The following CTNNA2 variants were observed in gnomAD, a reference collection of about 807,000 sequenced individuals.
The protein encoded by CTNNA2 is catenin alpha 2, also known as catenin alpha-2.
Under a neutral mutation model 101.0 loss-of-function variants are expected in CTNNA2, and 42 were observed. The observed-to-expected ratio is 0.42, with a 90% confidence interval of 0.32 to 0.54. CTNNA2 has a LOEUF of 0.54. CTNNA2 is among the 20% of genes least tolerant of loss of function. The probability of loss-of-function intolerance (pLI) is 0.14; values close to 1 mark genes in which losing one functional copy is unlikely to be tolerated. For missense variants in CTNNA2, 871 were observed against 1,223.1 expected, an observed-to-expected ratio of 0.71 and a Z score of 4.29; for synonymous variants, 450 against 456.4, an observed-to-expected ratio of 0.99 and a Z score of 0.18.
intron 3 of CTNNA2, among the ~76,000 whole-genome samples, chr2:79,797,625 C>T (rs1011195356): frequency 1.3e-4 from 19 of 145,282 alleles, no homozygotes; most frequent in South Asian, 4.4e-4. Context: ...CACACCACTG[C>T]ACTCCAGCCT....
chr2:80,430,226 C>T (rs952302041), intron 9 of CTNNA2, among the ~76,000 whole-genome samples: 3 of 152,062 alleles, frequency 2.0e-5, no homozygotes, highest in South Asian at 2.1e-4. Context: ...AAAGAAATAT[C>T]CAGAAAATAG....
intron 1 of CTNNA2, among the ~76,000 whole-genome samples, chr2:79,193,588 T>C (rs941243659): frequency 6.6e-6 from 1 of 152,160 alleles, no homozygotes; most frequent in Non-Finnish European, 1.5e-5. Context: ...GTATCCCCAA[T>C]ATTAAGTCAT....
chr2:80,573,238 A>G (rs571641075), intron 12 of CTNNA2: 5 of 152,208 alleles, frequency 3.3e-5, no homozygotes, highest in Non-Finnish European at 7.3e-5. Context: ...AATTTTTGAG[A>G]ATCAGTGAAT....
chr2:80,584,663 G>A (rs1695821986), intron 14 of CTNNA2, among the ~76,000 whole-genome samples: 1 of 152,074 alleles, frequency 6.6e-6, no homozygotes, highest in African/African-American at 2.4e-5. Context: ...TATGGACTTA[G>A]TGAAGCTGTG....
chr2:79,461,017 T>C (rs1670871854), intron 4 of CTNNA2, among the ~76,000 whole-genome samples: 1 of 152,096 alleles, frequency 6.6e-6, no homozygotes, highest in African/African-American at 2.4e-5. Context: ...AATTTTTGTA[T>C]TTTTAGTAGA....
chr2:80,575,133 C>A (rs1011389510), intron 13 of CTNNA2: 2 of 152,082 alleles, frequency 1.3e-5, no homozygotes, highest in South Asian at 2.1e-4. Flanking sequence ...ACATAATAAT[C>A]TTTATTTCTT....
intron 4 of CTNNA2, among the ~76,000 whole-genome samples, chr2:79,863,150 C>A (rs200571009): frequency 0.19 from 19,079 of 98,866 alleles, 1,585 homozygotes; most frequent in African/African-American, 0.35. Flanking sequence ...AAACAAACAA[C>A]AAAAAAAAGT....
At chr2:80,022,505 C>T (rs186273488) in intron 7 of CTNNA2, among the ~76,000 whole-genome samples, 18 of 152,234 alleles carry the variant, frequency 1.2e-4, no homozygotes, top group African/African-American at 4.1e-4. Flanking sequence ...GTGGTTCACC[C>T]TTATAATCCT....
intron 7 of CTNNA2, among the ~76,000 whole-genome samples, chr2:80,018,887 G>C (rs1408485565): frequency 6.6e-6 from 1 of 151,924 alleles, no homozygotes; most frequent in African/African-American, 2.4e-5. Context: ...AAGCGAAAGA[G>C]TAGGTACAAT....
At chr2:80,119,513 C>T (rs1357191244) in intron 7 of CTNNA2, among the ~76,000 whole-genome samples, 1 of 152,112 alleles carries the variant, frequency 6.6e-6, no homozygotes, top group Admixed American at 6.6e-5. Context: ...TTGATATGTT[C>T]ATGTAGGTGT....
At chr2:80,023,853 C>T (rs1228615675) in intron 7 of CTNNA2, among the ~76,000 whole-genome samples, 7 of 151,940 alleles carry the variant, frequency 4.6e-5, no homozygotes, top group African/African-American at 1.4e-4. Flanking sequence ...TTTGGGAGGC[C>T]GAGGCGGGCG....
chr2:79,442,748 A>G (rs1472616825), intron 4 of CTNNA2, among the ~76,000 whole-genome samples: 1 of 152,132 alleles, frequency 6.6e-6, no homozygotes, highest in East Asian at 1.9e-4. Flanking sequence ...CTTTATGTGA[A>G]ATGACAACAA....
intron 9 of CTNNA2, among the ~76,000 whole-genome samples, chr2:80,507,311 T>A (rs1688356289): frequency 6.6e-6 from 1 of 152,176 alleles, no homozygotes; most frequent in African/African-American, 2.4e-5. Flanking sequence ...GCAACTCTTT[T>A]ATTTATCCCT....
intron 18 of CTNNA2, among the ~76,000 whole-genome samples, chr2:80,642,433 A>G (rs1673593135): frequency 6.6e-6 from 1 of 152,046 alleles, no homozygotes; most frequent in Admixed American, 6.5e-5. Context: ...GCTTATGTCT[A>G]TTTGTGTTTC....
At chr2:80,079,698 C>T (rs1390634077) in intron 7 of CTNNA2, among the ~76,000 whole-genome samples, 3 of 151,854 alleles carry the variant, frequency 2.0e-5, no homozygotes, top group Admixed American at 6.6e-5. Flanking sequence ...CCTGTAGTCA[C>T]AGCTACTCGG....
At chr2:79,379,431 T>G (rs1419243107) in intron 4 of CTNNA2, among the ~76,000 whole-genome samples, 1 of 152,230 alleles carries the variant, frequency 6.6e-6, no homozygotes, top group Non-Finnish European at 1.5e-5. Flanking sequence ...GTGGCCATCC[T>G]TCAACCCCAC....
intron 11 of CTNNA2, 52 bp downstream of exon 11, chr2:80,546,115 A>G (rs776321352): frequency 1.9e-6 from 3 of 1,598,684 alleles, no homozygotes; most frequent in Non-Finnish European, 2.6e-6. Flanking sequence ...GGGTAACTGA[A>G]CGAGATAAGG....
chr2:80,646,110 T>C (rs1371886522), intron 18 of CTNNA2, among the ~76,000 whole-genome samples: 2 of 152,068 alleles, frequency 1.3e-5, no homozygotes, highest in African/African-American at 2.4e-5. Flanking sequence ...ATTTTGTTAA[T>C]AAGAAATGAT....
At chr2:79,494,641 A>T (rs1006082979) in intron 4 of CTNNA2, among the ~76,000 whole-genome samples, 2 of 152,208 alleles carry the variant, frequency 1.3e-5, no homozygotes, top group African/African-American at 4.8e-5. Flanking sequence ...TTTGCACTGT[A>T]CAAAAATTAA....
Sources: allele counts gnomAD v4.1 joint callset (sites outside exome capture counted in the v4.1 genomes callset), GRCh38; gene constraint gnomAD v4.1.1; transcripts MANE v1.5; gene names NCBI Gene and HGNC (gene_info 2026-07-23, HGNC 2026-07-21).